NAV2: variants seen among roughly 807,000 people sequenced by gnomAD.
NAV2 encodes neuron navigator 2.
Under a neutral mutation model 223.2 loss-of-function variants are expected in NAV2, and 54 were observed. That is an observed-to-expected ratio of 0.24 (90% CI 0.19 to 0.30). The LOEUF is 0.30. Ranked by LOEUF, NAV2 falls within the 10% of genes least tolerant of loss-of-function variation. The pLI, the probability that NAV2 is intolerant of heterozygous loss-of-function variation, is 1.00. For missense variants in NAV2, 2,806 were observed against 3,147.5 expected, an observed-to-expected ratio of 0.89 and a Z score of 2.60; for synonymous variants, 1,279 against 1,239.3, an observed-to-expected ratio of 1.03 and a Z score of -0.67.
intron 6 of NAV2, among the ~76,000 whole-genome samples, chr11:19,905,615 A>G (rs1420494415): frequency 6.6e-6 from 1 of 152,178 alleles, no homozygotes; most frequent in Non-Finnish European, 1.5e-5. Flanking sequence ...ACCTTCAGTA[A>G]TGAACCTTCT....
intron 1 of NAV2, among the ~76,000 whole-genome samples, chr11:19,751,316 G>A (rs1489651183): frequency 6.6e-6 from 1 of 152,144 alleles, no homozygotes; most frequent in Non-Finnish European, 1.5e-5. Flanking sequence ...ACAAGGACAG[G>A]TTTTCAGTGA....
chr11:19,474,109 A>G (rs2042046949), intron 1 of NAV2, among the ~76,000 whole-genome samples: 1 of 152,196 alleles, frequency 6.6e-6, no homozygotes. Context: ...ATTTCAGGGA[A>G]CCCAAACTAA....
At chr11:19,509,475 T>C (rs973706546) in intron 1 of NAV2, among the ~76,000 whole-genome samples, 2 of 152,216 alleles carry the variant, frequency 1.3e-5, no homozygotes, top group African/African-American at 4.8e-5. Flanking sequence ...CAGCTTTTAC[T>C]GCATTCCATA....
Position 19,559,561 on chromosome 11 carries a change from T to C in NAV2, c.75+208534T>C, listed in dbSNP as rs142414376. Reference sequence around the variant, plus strand: ...CTTCATTTGTTCAGAATGTGTCTACTGCTGGTAGAATCTGTATTCATGCTT... The same window carrying C: ...CTTCATTTGTTCAGAATGTGTCTACCGCTGGTAGAATCTGTATTCATGCTT... On this transcript the variant is annotated intron_variant, in intron 1 of 37. Transcript: ENST00000360655. 1.3e-3 allele frequency among the ~76,000 whole-genome samples: 199 copies of C among 152,376 alleles called. No homozygotes were observed. In the South Asian group the frequency reaches 0.017, roughly 13 times the overall value.
intron 1 of NAV2, among the ~76,000 whole-genome samples, chr11:19,782,692 C>T (rs551607324): frequency 6.6e-6 from 1 of 151,542 alleles, no homozygotes; most frequent in Non-Finnish European, 1.5e-5. Flanking sequence ...AGGTGCTGTT[C>T]CCAAGGGTTG....
chr11:19,467,166 T>A (rs189714882), intron 1 of NAV2, among the ~76,000 whole-genome samples: 1 of 152,222 alleles, frequency 6.6e-6, no homozygotes, highest in Non-Finnish European at 1.5e-5. Flanking sequence ...CTTTCCCCTA[T>A]GATGTTACAT....
At chr11:19,617,003 C>T (rs1342617591) in intron 1 of NAV2, among the ~76,000 whole-genome samples, 1 of 152,024 alleles carries the variant, frequency 6.6e-6, no homozygotes, top group Non-Finnish European at 1.5e-5. Context: ...CATAACGTTA[C>T]ATTGCAGGCT....
intron 10 of NAV2, among the ~76,000 whole-genome samples, chr11:19,970,541 T>C (rs1202761774): frequency 6.6e-6 from 1 of 152,204 alleles, no homozygotes; most frequent in Non-Finnish European, 1.5e-5. Context: ...TCTCGAGAGT[T>C]GAAGGCACAG....
intron 1 of NAV2, among the ~76,000 whole-genome samples, chr11:19,438,161 A>G (rs1405766184): frequency 6.6e-6 from 1 of 152,220 alleles, no homozygotes; most frequent in South Asian, 2.1e-4. Context: ...GGGTTAAAAG[A>G]GGAGTTCCCT....
intron 19 of NAV2, among the ~76,000 whole-genome samples, chr11:20,057,361 T>A (rs1393970983): frequency 3.9e-5 from 6 of 152,190 alleles, no homozygotes; most frequent in African/African-American, 1.4e-4. Flanking sequence ...GCACCCTGAT[T>A]TATGTATCAT....
rs142871451 is a variant in NAV2, at chr11:20,119,373, G to C, written c.*1115G>C. 0.015 allele frequency: 2,230 copies of C among 152,480 alleles called. 16 individuals carry two copies. Among genetic ancestry groups the C allele is most frequent in the Admixed American group, 0.023 (351 of 15,298 alleles). The allele number at this position is 152,480 out of a possible 1,614,324, so 9.4% of individuals were successfully genotyped here. Reference sequence around the variant, plus strand: ...TGTCCTTTAAAATGGATGAGGACCTGGTCCTCGACATGTGGGTGAGCCATG... The same window carrying C: ...TGTCCTTTAAAATGGATGAGGACCTCGTCCTCGACATGTGGGTGAGCCATG... On this transcript the variant is annotated 3_prime_UTR_variant, in exon 38 of 38. Coordinates refer to ENST00000349880, the MANE Select transcript of NAV2 (RefSeq NM_145117.5).
chr11:19,852,255 C>T (rs1003615019), intron 3 of NAV2, among the ~76,000 whole-genome samples: 7 of 152,226 alleles, frequency 4.6e-5, no homozygotes, highest in Non-Finnish European at 4.4e-5. Context: ...ATAACTCTTG[C>T]TGTATCAGAG....
chr11:19,349,743 C>T (rs1375729435), upstream of NAV2, among the ~76,000 whole-genome samples: 2 of 152,096 alleles, frequency 1.3e-5, no homozygotes, highest in Non-Finnish European at 2.9e-5. Context: ...ACCTCTTGGA[C>T]TATTTATGGG....
intron 1 of NAV2, among the ~76,000 whole-genome samples, chr11:19,444,848 G>T (rs1163601515): frequency 6.6e-6 from 1 of 151,810 alleles, no homozygotes; most frequent in African/African-American, 2.4e-5. Context: ...GCCTAGATGT[G>T]AATTCCAACT....
intron 1 of NAV2, among the ~76,000 whole-genome samples, chr11:19,677,500 G>A (rs2048749211): frequency 6.6e-6 from 1 of 152,254 alleles, no homozygotes; most frequent in Non-Finnish European, 1.5e-5. Context: ...GGCCCAGAGA[G>A]GGTCGGGCCT....
intron 1 of NAV2, among the ~76,000 whole-genome samples, chr11:19,551,982 C>A (rs1206770856): frequency 1.3e-5 from 2 of 152,014 alleles, no homozygotes; most frequent in Non-Finnish European, 2.9e-5. Flanking sequence ...ACCCTGGGGT[C>A]TTGGGGCTTC....
intron 6 of NAV2, among the ~76,000 whole-genome samples, chr11:19,911,737 G>A (rs1265409214): frequency 6.6e-6 from 1 of 152,180 alleles, no homozygotes; most frequent in Non-Finnish European, 1.5e-5. Context: ...CAATTTCTTG[G>A]TGGGGGACAG....
At chr11:20,095,886 A>C in intron 30 of NAV2, 119 bp downstream of exon 30, 1 of 747,434 alleles carries the variant, frequency 1.3e-6, no homozygotes, top group Non-Finnish European at 2.4e-6. Context: ...CCCCTTCCCT[A>C]CATGTTAATG....
intron 20 of NAV2, among the ~76,000 whole-genome samples, chr11:20,066,360 A>C (rs921130299): frequency 2.0e-5 from 3 of 152,246 alleles, no homozygotes; most frequent in Non-Finnish European, 4.4e-5. Flanking sequence ...AGCTCTGAAG[A>C]CATCTTCCAA....
Sources: gnomAD v4.1 joint callset for allele counts (sites outside exome capture counted in the v4.1 genomes callset) on GRCh38, gnomAD v4.1.1 for gene constraint, MANE v1.5 for transcripts, NCBI Gene and HGNC (gene_info 2026-07-23, HGNC 2026-07-21) for gene names.